VWA3A: variants seen among roughly 807,000 people sequenced by gnomAD.
The protein encoded by VWA3A is von Willebrand factor A domain-containing protein 3A.
A neutral mutation model predicts 160.4 loss-of-function variants in VWA3A; 134 were observed. That is an observed-to-expected ratio of 0.84 (90% CI 0.73 to 0.96). The LOEUF is 0.96. VWA3A is among the 40% of genes least tolerant of loss of function. The pLI is 0.00. For missense variants in VWA3A, 1,310 were observed against 1,447.9 expected (o/e 0.90, Z 1.55); for synonymous variants, 476 against 543.4 (o/e 0.88, Z 1.72).
chr16:22,108,662 T>G (rs919623919), intron 6 of VWA3A, among the ~76,000 whole-genome samples: 4 of 152,082 alleles, frequency 2.6e-5, no homozygotes, highest in South Asian at 2.1e-4. Context: ...AAAGTAGGAT[T>G]TAAGGAAAAA....
intron 24 of VWA3A, 150 bp downstream of exon 24, chr16:22,141,842 C>CCCAG: frequency 1.6e-6 from 1 of 619,658 alleles, no homozygotes; most frequent in East Asian, 2.8e-5. Context: ...ACTCAGTTCT[C>CCCAG]CCAGCCCTGG....
intron 8 of VWA3A, among the ~76,000 whole-genome samples, chr16:22,111,707 T>C (rs1438719761): frequency 1.3e-5 from 2 of 152,138 alleles, no homozygotes; most frequent in Non-Finnish European, 2.9e-5. Context: ...GGTCTCGAAC[T>C]CCTGACCTCA....
intron 15 of VWA3A, 112 bp downstream of exon 15, chr16:22,123,277 G>A: frequency 1.7e-6 from 2 of 1,179,072 alleles, no homozygotes; most frequent in East Asian, 2.6e-5. Context: ...CTCTTGTAAA[G>A]AGGGACTGTG....
At chr16:22,113,078 A>G (rs1318186924) in intron 8 of VWA3A, among the ~76,000 whole-genome samples, 1 of 152,246 alleles carries the variant, frequency 6.6e-6, no homozygotes. Flanking sequence ...GATGGCAGCC[A>G]AAAGTTCTGC....
rs200893176 is a variant in VWA3A at position 22,138,405 on chromosome 16, C to G, written c.2185C>G (p.Leu729Val). ...ASLKNHSGKV[L>V]GSSALPKEKP... ...CCTGAAGAACCATTCAGGAAAAGTACTGGGAAGTTCAGCCCTCCCGAAAGA... is the reference window on the plus strand; with the variant it reads ...CCTGAAGAACCATTCAGGAAAAGTAGTGGGAAGTTCAGCCCTCCCGAAAGA... The change falls in exon 22 of 34, where the codon CTG (leucine) becomes GTG (valine). Residue 729 changes from leucine (L) to valine (V), a missense_variant. Leu to Val is a conservative substitution (Grantham distance 32). Coordinates refer to ENST00000389398, the MANE Select transcript of VWA3A (RefSeq NM_173615.5). The G allele has an allele frequency of 1.8e-4, 288 of 1,610,202 alleles. No homozygotes were observed. The highest frequency in any genetic ancestry group is 2.2e-4 in the Non-Finnish European group (265 of 1,178,402).
At chr16:22,119,069 G>A in intron 12 of VWA3A, 42 bp downstream of exon 12, 3 of 1,561,614 alleles carry the variant, frequency 1.9e-6, no homozygotes, top group Non-Finnish European at 1.7e-6. Flanking sequence ...TCTCCCAGCA[G>A]CACTCAGCTG....
At chr16:22,102,541 C>A (rs1308365589) in intron 5 of VWA3A, among the ~76,000 whole-genome samples, 3 of 152,048 alleles carry the variant, frequency 2.0e-5, no homozygotes, top group African/African-American at 4.8e-5. Flanking sequence ...TTAAAGTGAC[C>A]TAGTCCTTAC....
intron 6 of VWA3A, among the ~76,000 whole-genome samples, chr16:22,108,969 T>C (rs2045516911): frequency 6.6e-6 from 1 of 152,086 alleles, no homozygotes; most frequent in Non-Finnish European, 1.5e-5. Context: ...GCCCAGGAGT[T>C]CGAGATCAAC....
intron 7 of VWA3A, among the ~76,000 whole-genome samples, chr16:22,110,462 G>A (rs139582540): frequency 2.0e-5 from 3 of 152,190 alleles, no homozygotes; most frequent in African/African-American, 7.2e-5. Flanking sequence ...AAGTCCTCAG[G>A]ACGGAGTTTC....
At chr16:22,120,873 A>C in intron 12 of VWA3A, 95 bp from the exon 13 acceptor site, 1 of 1,462,642 alleles carries the variant, frequency 6.8e-7, no homozygotes, top group South Asian at 1.3e-5. Context: ...GTGTTTAAGA[A>C]GCTCCACTTG....
chr16:22,142,781 T>C lies in VWA3A; in HGVS notation c.2592+16T>C. 6.6e-7 allele frequency: 1 copy of C among 1,525,700 alleles called. No individual in the cohort carries two copies. The highest frequency in any genetic ancestry group is 8.9e-7 in the Non-Finnish European group (1 of 1,121,560). 94.5% of individuals were successfully genotyped at this position (1,525,700 alleles called of 1,614,324 possible). On this transcript the variant is annotated intron_variant, in intron 25 of 33. Transcript: ENST00000389398. ...AAGCCAAGAGGTATTAAGTCACCCA[T>C]ACTAGCACATGCCCATTAAGCAATA...
At position 22,149,878 on chromosome 16, in the gene VWA3A, T is replaced by C. The variant is rs773791830; in HGVS notation, c.3076T>C (p.Trp1026Arg). The C allele has an allele frequency of 1.2e-6, 2 of 1,612,370 alleles. No homozygotes were observed. Among genetic ancestry groups the C allele is most frequent in the African/African-American group, 2.7e-5 (2 of 74,900 alleles). ...TGCAGCGTGTCATGAGGCTATGCAA[T>C]GGGTGACCCACCTGCAAGCTCAGGG... ...TDAACHEAMQWVTHLQAQGST... is the reference protein window; with the variant it reads ...TDAACHEAMQRVTHLQAQGST... Residue 1026 changes from tryptophan (W) to arginine (R), a missense_variant, in exon 29 of 34, where the codon TGG becomes CGG. By Grantham distance (101) the Trp-to-Arg change is moderately radical. Transcript: ENST00000389398.
At chr16:22,130,345 G>A (rs780214194) in intron 17 of VWA3A, among the ~76,000 whole-genome samples, 1 of 152,122 alleles carries the variant, frequency 6.6e-6, no homozygotes, top group Non-Finnish European at 1.5e-5. Context: ...TTCTTGTTAA[G>A]TATAGAGAGT....
chr16:22,140,143 C>A lies in VWA3A; in HGVS notation c.2293-11C>A. Reference sequence around the variant, plus strand: ...ACACTCCTCTGATGGGAAAGATTGCCTGTTTTCTAGAGCATTAAAGATGAC... The same window carrying A: ...ACACTCCTCTGATGGGAAAGATTGCATGTTTTCTAGAGCATTAAAGATGAC... On this transcript the variant is annotated splice_polypyrimidine_tract_variant and intron_variant, in intron 22 of 33. Transcript: ENST00000389398. The A allele has an allele frequency of 1.2e-6, 2 of 1,612,142 alleles. No individual in the cohort carries two copies. The highest frequency in any genetic ancestry group is 1.7e-6 in the Non-Finnish European group (2 of 1,178,860).
chr16:22,123,293 C>A, intron 15 of VWA3A, 128 bp downstream of exon 15: 1 of 1,103,026 alleles, frequency 9.1e-7, no homozygotes, highest in Non-Finnish European at 1.3e-6. Flanking sequence ...CTGTGTGCTC[C>A]ACCTACAGGC....
chr16:22,107,055 G>A (rs573144197), intron 6 of VWA3A, among the ~76,000 whole-genome samples: 5 of 152,286 alleles, frequency 3.3e-5, no homozygotes, highest in South Asian at 2.1e-4. Flanking sequence ...ACAGAGAAGC[G>A]GAGCAGGATG....
At chr16:22,133,119 TTCAGC>T in intron 20 of VWA3A, 24 bp downstream of exon 20, 4 of 1,597,336 alleles carry the variant, frequency 2.5e-6, no homozygotes, top group Non-Finnish European at 3.4e-6. Flanking sequence ...TCCTCATCCC[TTCAGC>T]TCATTCCAAA....
chr16:22,106,740 C>T (rs1188346002), intron 6 of VWA3A, among the ~76,000 whole-genome samples: 2 of 152,196 alleles, frequency 1.3e-5, no homozygotes, highest in African/African-American at 4.8e-5. Context: ...ACGCTGGCTG[C>T]TGCATAACTT....
chr16:22,119,534 G>A (rs1261397944), intron 12 of VWA3A, among the ~76,000 whole-genome samples: 5 of 152,158 alleles, frequency 3.3e-5, no homozygotes, highest in South Asian at 2.1e-4. Flanking sequence ...AGCCAGGCAC[G>A]ATGGCATGTG....
Sources: gnomAD v4.1 joint callset for allele counts (sites outside exome capture counted in the v4.1 genomes callset) on GRCh38, gnomAD v4.1.1 for gene constraint, MANE v1.5 for transcripts, NCBI Gene and HGNC (gene_info 2026-07-23, HGNC 2026-07-21) for gene names.